Variants in TCP11L1 observed in about 807,000 individuals in gnomAD.
TCP11L1 encodes the protein t-complex 11 like 1, also known as T-complex protein 11-like protein 1.
In TCP11L1, 28 loss-of-function variants were observed where a neutral mutation model predicts 48.9. The observed-to-expected ratio is 0.57, with a 90% CI of 0.42 to 0.78. The LOEUF (loss-of-function observed/expected upper bound fraction) is 0.78. Ranked by LOEUF, TCP11L1 falls within the 30% of genes least tolerant of loss-of-function variation. TCP11L1 has a pLI of 0.00. For missense variants in TCP11L1, 505 were observed against 613.4 expected, an observed-to-expected ratio of 0.82 and a Z score of 1.87; for synonymous variants, 204 against 231.9, an observed-to-expected ratio of 0.88 and a Z score of 1.09.
intron 2 of TCP11L1, among the ~76,000 whole-genome samples, chr11:33,045,002 A>G (rs1033718): frequency 0.41 from 61,956 of 151,996 alleles, 12,813 homozygotes; most frequent in African/African-American, 0.46. Context: ...AATGCTTAAT[A>G]AACATTAGTT....
Position 33,071,228 on chromosome 11 carries a change from T to C in TCP11L1, c.1328-1246T>C, listed in dbSNP as rs181181672. On this transcript the variant is annotated intron_variant, in intron 9 of 9. Transcript: ENST00000334274. The stretch of plus-strand genomic sequence containing the variant: ...TACTCGGGAGGCAGAGTGGGGAGAA[T>C]CGCTTGAACTCGGGAGGCGGAGGTG... Among the ~76,000 whole-genome samples the C allele has an allele frequency of 3.3e-5, 5 of 151,906 alleles. No homozygotes were observed. The East Asian group carries it at 9.7e-4, about 29-fold the overall frequency.
At position 33,061,550 on chromosome 11, in the gene TCP11L1, C is replaced by A; in HGVS notation, c.796C>A (p.Gln266Lys). The A allele has an allele frequency of 6.2e-7, 1 of 1,606,492 alleles. No homozygotes were observed. The highest frequency in any genetic ancestry group is 8.5e-7 in the Non-Finnish European group (1 of 1,176,294). ...RQPNSLDFVT[Q>K]WLEEASEDLM... ...CACAGATTCCCTGGACTTTGTCACC[C>A]AGTGGCTGGAAGAAGCCTCAGAGGA... The change falls in exon 7 of 10, where the codon CAG becomes AAG. Residue 266 changes from glutamine to lysine, a missense_variant. Around this residue, in one of 3 missense-constraint regions of TCP11L1, gnomAD observed 335 missense variants for 413.3 expected, o/e 0.81. Transcript: ENST00000334274.
rs1296287255 is a variant in TCP11L1 at position 33,072,952 on chromosome 11, TC to T, written c.*281del. 6.8e-5 allele frequency: 28 copies of T among 414,342 alleles called. No homozygotes were observed. Among genetic ancestry groups the T allele is most frequent in the Admixed American group, 5.8e-4 (15 of 25,688 alleles). 25.7% of individuals were successfully genotyped at this position (414,342 alleles called of 1,614,324 possible). A position where few individuals can be genotyped will look rare whatever the true frequency, so the allele number is the denominator to read the frequency against. On this transcript the variant is annotated 3_prime_UTR_variant, in exon 10 of 10. Transcript: ENST00000334274. ...AACACTCAGCTGTTGTCTCCACTCC[TC>T]CCCCATCATGTCCTTCCAAGGAGGC...
intron 2 of TCP11L1, among the ~76,000 whole-genome samples, chr11:33,051,330 G>T (rs527645821): frequency 6.6e-6 from 1 of 151,636 alleles, no homozygotes; most frequent in Non-Finnish European, 1.5e-5. Context: ...ATCACGCCCG[G>T]CTAATTTTTT....
intron 8 of TCP11L1, among the ~76,000 whole-genome samples, chr11:33,066,560 A>G (rs1476652705): frequency 3.3e-5 from 5 of 151,978 alleles, no homozygotes. Context: ...GCGGCCCTCC[A>G]TTCCCTGTTA....
chr11:33,063,966 T>C (rs951570631), intron 7 of TCP11L1, among the ~76,000 whole-genome samples: 1 of 152,084 alleles, frequency 6.6e-6, no homozygotes, highest in East Asian at 1.9e-4. Context: ...AAAATAGCTG[T>C]GGGAGACCAT....
intron 6 of TCP11L1, among the ~76,000 whole-genome samples, chr11:33,059,648 A>T (rs1005108546): frequency 6.6e-6 from 1 of 152,178 alleles, no homozygotes; most frequent in African/African-American, 2.4e-5. Flanking sequence ...TTGCTAACTG[A>T]CATTCTGGGT....
intron 2 of TCP11L1, among the ~76,000 whole-genome samples, chr11:33,050,466 A>G (rs1170812181): frequency 6.6e-6 from 1 of 152,138 alleles, no homozygotes; most frequent in East Asian, 1.9e-4. Flanking sequence ...TCATTTTCTG[A>G]TAACTGATAA....
At chr11:33,054,073 C>G (rs1235512685) in intron 2 of TCP11L1, among the ~76,000 whole-genome samples, 2 of 152,132 alleles carry the variant, frequency 1.3e-5, no homozygotes, top group African/African-American at 4.8e-5. Context: ...GCCTCGGCCT[C>G]CCAAAGTGCT....
At chr11:33,042,804 A>T (rs902163029) in intron 1 of TCP11L1, among the ~76,000 whole-genome samples, 7 of 152,056 alleles carry the variant, frequency 4.6e-5, no homozygotes, top group Admixed American at 2.0e-4. Context: ...GCAGTGGCTC[A>T]CGCCTGTAAT....
chr11:33,067,857 C>CT (rs901160525), intron 8 of TCP11L1, among the ~76,000 whole-genome samples: 17 of 151,086 alleles, frequency 1.1e-4, no homozygotes, highest in African/African-American at 2.7e-4. Context: ...TCCAGGTACT[C>CT]TTTTTTTTTA....
At chr11:33,057,309 A>G in intron 4 of TCP11L1, 74 bp downstream of exon 4, 1 of 1,595,124 alleles carries the variant, frequency 6.3e-7, no homozygotes, top group Non-Finnish European at 8.6e-7. Flanking sequence ...TGTCACCACC[A>G]GAAGACTTTA....
intron 7 of TCP11L1, among the ~76,000 whole-genome samples, chr11:33,064,878 G>A (rs1424430278): frequency 2.0e-5 from 3 of 152,176 alleles, no homozygotes; most frequent in Admixed American, 6.5e-5. Context: ...CTGCAGCCTC[G>A]AAATTCCGGC....
At position 33,043,116 on chromosome 11, in the gene TCP11L1, T is replaced by C. The variant is rs142130042; in HGVS notation, c.-24-634T>C. Reference sequence around the variant, plus strand: ...TGGGCGTGGTGGCACCCACCTGTAATTTCAGCTACTTGGGAGGCTGAGGCA... The same window carrying C: ...TGGGCGTGGTGGCACCCACCTGTAACTTCAGCTACTTGGGAGGCTGAGGCA... On this transcript the variant is annotated intron_variant, in intron 1 of 9. Coordinates refer to ENST00000334274, the MANE Select transcript of TCP11L1 (RefSeq NM_018393.4). Among the ~76,000 whole-genome samples, 145 of 152,298 alleles carry C rather than the reference T, an allele frequency of 9.5e-4. 2 individuals carry two copies. The highest frequency in any genetic ancestry group is 3.4e-3 in the African/African-American group (141 of 41,574).
chr11:33,047,396 A>G (rs1854030427), intron 2 of TCP11L1, among the ~76,000 whole-genome samples: 2 of 152,224 alleles, frequency 1.3e-5, no homozygotes, highest in East Asian at 1.9e-4. Flanking sequence ...TGTTTTCTCT[A>G]AAATCTTCTA....
At chr11:33,041,631 A>C (rs4627045) in intron 1 of TCP11L1, among the ~76,000 whole-genome samples, 2 of 151,554 alleles carry the variant, frequency 1.3e-5, no homozygotes, top group African/African-American at 4.9e-5. Flanking sequence ...GGCGCCTATA[A>C]TCCCAGCTAC....
At chr11:33,055,739 C>A (rs1639079912) in intron 3 of TCP11L1, among the ~76,000 whole-genome samples, 1 of 152,220 alleles carries the variant, frequency 6.6e-6, no homozygotes, top group African/African-American at 2.4e-5. Flanking sequence ...TTTCTTATAT[C>A]TGCAAAGATG....
chr11:33,072,337 C>A, intron 9 of TCP11L1, 137 bp from the exon 10 acceptor site: 1 of 811,534 alleles, frequency 1.2e-6, no homozygotes, highest in Non-Finnish European at 2.1e-6. Flanking sequence ...GTGCAAGGTG[C>A]TGTGGGTATC....
chr11:33,058,201 C>CTTT (rs747311201), intron 5 of TCP11L1, 62 bp downstream of exon 5: 34 of 1,223,336 alleles, frequency 2.8e-5, no homozygotes, highest in Admixed American at 5.9e-5. Flanking sequence ...TCTTTTTTTT[C>CTTT]TTTTCTTTTT....
Sources: allele counts gnomAD v4.1 joint callset (sites outside exome capture counted in the v4.1 genomes callset), GRCh38; gene constraint gnomAD v4.1.1; regional missense constraint gnomAD v4.1.1; transcripts MANE v1.5; gene names NCBI Gene and HGNC (gene_info 2026-07-23, HGNC 2026-07-21).